Variants in PDZRN4 observed in about 807,000 individuals in gnomAD.
The protein encoded by PDZRN4 is PDZ domain containing ring finger 4, also known as PDZ domain-containing RING finger protein 4.
In PDZRN4, 70 loss-of-function variants were observed where a neutral mutation model predicts 99.0. That is an observed-to-expected ratio of 0.71 (90% CI 0.58 to 0.86). PDZRN4 has a LOEUF of 0.86. Ranked by LOEUF, PDZRN4 falls within the 40% of genes least tolerant of loss-of-function variation. The pLI, the probability that PDZRN4 is intolerant of heterozygous loss-of-function variation, is 0.00. For synonymous variants in PDZRN4, 551 were observed against 501.6 expected (o/e 1.10, Z -1.32); for missense variants, 1,474 against 1,331.2 (o/e 1.11, Z -1.67).
chr12:41,240,211 A>T (rs1045526007), intron 3 of PDZRN4, among the ~76,000 whole-genome samples: 1 of 152,194 alleles, frequency 6.6e-6, no homozygotes, highest in Admixed American at 6.5e-5. Context: ...GTTTGCCAGA[A>T]GTCTTTTTGA....
chr12:41,517,256 G>T (rs893188156), intron 5 of PDZRN4, among the ~76,000 whole-genome samples: 2 of 152,010 alleles, frequency 1.3e-5, no homozygotes, highest in African/African-American at 4.8e-5. Flanking sequence ...TATTTTACCA[G>T]GGATCTAGAT....
chr12:41,199,148 G>A (rs548445745), intron 3 of PDZRN4, among the ~76,000 whole-genome samples: 1 of 152,126 alleles, frequency 6.6e-6, no homozygotes, highest in East Asian at 1.9e-4. Context: ...ATCTCACAAA[G>A]CAATGGTGCT....
intron 3 of PDZRN4, among the ~76,000 whole-genome samples, chr12:41,303,925 G>C (rs1248127109): frequency 6.6e-6 from 1 of 152,098 alleles, no homozygotes; most frequent in Non-Finnish European, 1.5e-5. Context: ...TAATTCATTT[G>C]ACTCTTGTTT....
At chr12:41,340,700 A>G (rs762427817) in intron 3 of PDZRN4, among the ~76,000 whole-genome samples, 7 of 151,902 alleles carry the variant, frequency 4.6e-5, no homozygotes, top group Non-Finnish European at 1.0e-4. Flanking sequence ...CATGTACTCT[A>G]TAAATCTATG....
intron 3 of PDZRN4, among the ~76,000 whole-genome samples, chr12:41,301,087 G>A (rs1487771461): frequency 6.6e-6 from 1 of 151,900 alleles, no homozygotes; most frequent in Non-Finnish European, 1.5e-5. Context: ...TCTGTCCTTT[G>A]ACAGTTATTA....
intron 6 of PDZRN4, among the ~76,000 whole-genome samples, chr12:41,553,570 G>T (rs560478381): frequency 1.3e-5 from 2 of 151,838 alleles, no homozygotes; most frequent in Non-Finnish European, 2.9e-5. Context: ...GGCATATGCC[G>T]GTAGTCCTAA....
intron 3 of PDZRN4, among the ~76,000 whole-genome samples, chr12:41,258,091 C>G (rs1212583615): frequency 1.3e-5 from 2 of 152,110 alleles, no homozygotes; most frequent in Admixed American, 1.3e-4. Flanking sequence ...ATGAGCTACT[C>G]CCTGTGTAAT....
At chr12:41,367,077 C>CA (rs1477267242) in intron 3 of PDZRN4, among the ~76,000 whole-genome samples, 1 of 152,014 alleles carries the variant, frequency 6.6e-6, no homozygotes, top group East Asian at 1.9e-4. Context: ...TTACAAGAGG[C>CA]AAAAATATAG....
At chr12:41,211,620 A>G (rs1486985497) in intron 3 of PDZRN4, among the ~76,000 whole-genome samples, 3 of 151,970 alleles carry the variant, frequency 2.0e-5, no homozygotes, top group Non-Finnish European at 2.9e-5. Context: ...AATGAAATAC[A>G]AGGAAATTCA....
At chr12:41,418,898 T>A (rs2120401621) in intron 3 of PDZRN4, among the ~76,000 whole-genome samples, 1 of 152,288 alleles carries the variant, frequency 6.6e-6, no homozygotes, top group East Asian at 1.9e-4. Context: ...ACCCACAGCC[T>A]GAGAACTAGT....
Position 41,188,329 on chromosome 12 carries a change from C to G in PDZRN4, c.-127C>G. The G allele has an allele frequency of 1.2e-6, 1 of 833,574 alleles. No homozygotes were observed. Among genetic ancestry groups the G allele is most frequent in the Non-Finnish European group, 1.8e-6 (1 of 557,356 alleles). The allele number at this position is 833,574 out of a possible 1,614,324, so 51.6% of individuals were successfully genotyped here. The stretch of plus-strand genomic sequence containing the variant: ...CCAAACAAACAGTGAGATCACACCT[C>G]CCACCCGCCACCTCCCTCCACTGCC... On this transcript the variant is annotated 5_prime_UTR_variant, in exon 1 of 10. Transcript: ENST00000402685.
intron 5 of PDZRN4, among the ~76,000 whole-genome samples, chr12:41,545,743 G>T (rs548759040): frequency 6.6e-6 from 1 of 151,986 alleles, no homozygotes. Flanking sequence ...GTCTTTCTAC[G>T]TACAAATGCA....
rs188609702 is a variant in PDZRN4, at chr12:41,208,109, T to G, written c.843+13921T>G. ...TTCTGAGTGTCCTGTCTTTTGTGTG[T>G]TTTAAGCTTTGTAAACAATCTCTTG... On this transcript the variant is annotated intron_variant, in intron 3 of 9. Transcript: ENST00000402685. 7.2e-5 allele frequency among the ~76,000 whole-genome samples: 11 copies of G among 152,024 alleles called. No homozygotes were observed. The East Asian group carries it at 2.1e-3, about 30-fold the overall frequency.
At chr12:41,527,622 T>C (rs1356895334) in intron 5 of PDZRN4, among the ~76,000 whole-genome samples, 1 of 152,228 alleles carries the variant, frequency 6.6e-6, no homozygotes, top group Non-Finnish European at 1.5e-5. Flanking sequence ...ATCTTTCCCA[T>C]GCGTGACAAG....
At chr12:41,246,812 G>A (rs10879898) in intron 3 of PDZRN4, among the ~76,000 whole-genome samples, 86,102 of 151,986 alleles carry the variant, frequency 0.57, 24,471 homozygotes, top group East Asian at 0.65. Flanking sequence ...ATGAAATACA[G>A]TGAAGAAAAT....
chr12:41,227,189 T>G (rs1183893642), intron 3 of PDZRN4, among the ~76,000 whole-genome samples: 2 of 152,156 alleles, frequency 1.3e-5, no homozygotes, highest in African/African-American at 2.4e-5. Context: ...GTGTGACATT[T>G]AGGGAATGAG....
rs954361223 is a variant in PDZRN4 at position 41,188,767 on chromosome 12, C to A, written c.312C>A (p.Cys104Ter). 10 of 1,433,638 alleles carry A rather than the reference C, an allele frequency of 7.0e-6. No individual in the cohort carries two copies. Among genetic ancestry groups the A allele is most frequent in the Middle Eastern group, 2.4e-4 (1 of 4,086 alleles). 88.8% of individuals were successfully genotyped at this position (1,433,638 alleles called of 1,614,324 possible). A position where few individuals can be genotyped will look rare whatever the true frequency, so the allele number is the denominator to read the frequency against. Reference protein sequence around the residue: ...LHELEAHVEHCDFGPARRLRS... With the variant: ...LHELEAHVEH Reference sequence around the variant, plus strand: ...AGCTGGAGGCGCACGTCGAGCACTGCGACTTCGGCCCTGCCCGCCGGCTCC... The same window carrying A: ...AGCTGGAGGCGCACGTCGAGCACTGAGACTTCGGCCCTGCCCGCCGGCTCC... Residue 104 changes from cysteine (C) to a stop codon, truncating the protein, a stop_gained, in exon 1 of 10, where the codon TGC becomes TGA. Transcript: ENST00000402685. LOFTEE classifies it high-confidence loss of function.
chr12:41,273,895 C>G (rs1951332667), intron 3 of PDZRN4, among the ~76,000 whole-genome samples: 1 of 151,998 alleles, frequency 6.6e-6, no homozygotes, highest in South Asian at 2.1e-4. Flanking sequence ...TTAATGTCAT[C>G]CCATTATCAT....
At chr12:41,361,100 T>C (rs1035819364) in intron 3 of PDZRN4, among the ~76,000 whole-genome samples, 1 of 152,058 alleles carries the variant, frequency 6.6e-6, no homozygotes, top group African/African-American at 2.4e-5. Context: ...GATTTCCTTA[T>C]TTAGTGTGAG....
Sources: gnomAD v4.1 joint callset for allele counts (sites outside exome capture counted in the v4.1 genomes callset) on GRCh38, gnomAD v4.1.1 for gene constraint, MANE v1.5 for transcripts, NCBI Gene and HGNC (gene_info 2026-07-23, HGNC 2026-07-21) for gene names.